Variants in ADGRF1 observed in about 807,000 individuals in gnomAD.
ADGRF1 encodes the protein G protein-coupled receptor 110.
ADGRF1 carries 85 observed loss-of-function variants against 87.2 expected under a neutral mutation model. That is an observed-to-expected ratio of 0.97 (90% CI 0.82 to 1.17). The LOEUF (loss-of-function observed/expected upper bound fraction) is 1.17. Ranked by LOEUF, ADGRF1 falls within the 50% of genes most tolerant of loss-of-function variation. The pLI is 0.00. For synonymous variants in ADGRF1, 430 were observed against 408.8 expected (o/e 1.05, Z -0.63); for missense variants, 1,169 against 1,077.2 (o/e 1.09, Z -1.19).
At position 47,022,804 on chromosome 6, in the gene ADGRF1, CTTTTTTT is replaced by C. The variant is rs11286179; in HGVS notation, c.452-753_452-747del. On this transcript the variant is annotated intron_variant, in intron 5 of 14. Transcript: ENST00000371253. Reference sequence around the variant, plus strand: ...CTTTCCTTTCTTTCTTTTCTTTTTTCTTTTTTTTTTTTTTTTTTTAGTCAGGGTCTCA... The same window carrying C: ...CTTTCCTTTCTTTCTTTTCTTTTTTCTTTTTTTTTTTTAGTCAGGGTCTCA... 7.5e-5 allele frequency among the ~76,000 whole-genome samples: 9 copies of C among 119,290 alleles called. No individual in the cohort carries two copies. The East Asian group carries it at 9.5e-4, about 13-fold the overall frequency. The allele number at this position is 119,290 out of a possible 152,430, so 78.3% of individuals were successfully genotyped here. A position where few individuals can be genotyped will look rare whatever the true frequency, so the allele number is the denominator to read the frequency against.
At chr6:47,021,451 C>T (rs565392345) in intron 6 of ADGRF1, among the ~76,000 whole-genome samples, 1 of 152,120 alleles carries the variant, frequency 6.6e-6, no homozygotes, top group African/African-American at 2.4e-5. Context: ...AACTCCACCT[C>T]CCGGGTTCAA....
At position 47,006,112 on chromosome 6, in the gene ADGRF1, C is replaced by T. The variant is rs1779519841; in HGVS notation, c.2533-236G>A. ...ATGCCATACTCATTCCAATTTTAGA[C>T]ATTAGTAGTTGGCAATAATTGCTAA... On this transcript the variant is annotated intron_variant, in intron 12 of 14. Coordinates refer to ENST00000371253, the MANE Select transcript of ADGRF1 (RefSeq NM_153840.4). Among the ~76,000 whole-genome samples the T allele has an allele frequency of 3.3e-5, 5 of 152,204 alleles. No individual in the cohort carries two copies. In the South Asian group the frequency reaches 1.0e-3, roughly 32 times the overall value.
chr6:47,020,611 T>C (rs1337577730), intron 7 of ADGRF1, 120 bp downstream of exon 7: 2 of 1,544,002 alleles, frequency 1.3e-6, no homozygotes, highest in South Asian at 1.2e-5. Flanking sequence ...GTAAAAATCC[T>C]ACTATAAAGA....
chr6:47,015,240 T>A (rs1296449198), intron 8 of ADGRF1, among the ~76,000 whole-genome samples: 1 of 152,264 alleles, frequency 6.6e-6, no homozygotes, highest in African/African-American at 2.4e-5. Context: ...AGTAATGTTA[T>A]GGTTAAAAGA....
intron 7 of ADGRF1, chr6:47,020,180 T>G: frequency 8.6e-7 from 1 of 1,168,130 alleles, no homozygotes; most frequent in Non-Finnish European, 1.1e-6. Flanking sequence ...GACCCACAGT[T>G]TTGAGAATGC....
intron 7 of ADGRF1, chr6:47,019,120 C>G: frequency 4.0e-6 from 1 of 249,668 alleles, no homozygotes; most frequent in Non-Finnish European, 6.4e-6. Flanking sequence ...AGTTTATAGA[C>G]TTGTGCCTAC....
At chr6:47,041,498 T>C (rs1220417189) in intron 1 of ADGRF1, among the ~76,000 whole-genome samples, 1 of 152,162 alleles carries the variant, frequency 6.6e-6, no homozygotes, top group Admixed American at 6.5e-5. Context: ...GTACATTACA[T>C]AGGCTATCAG....
rs45598235 is a variant in ADGRF1, at chr6:47,010,047, C to T, written c.1388G>A (p.Arg463His). The change falls in exon 11 of 15, where the codon CGT (arginine) becomes CAT (histidine). Residue 463 changes from arginine (R) to histidine (H), a missense_variant. By Grantham distance (29) the Arg-to-His change is conservative. Transcript: ENST00000371253. ...GAATTGGTCTGACCCAATTAACACA[C>T]GGCCTCTGATGGGAATAGATGTATT... is the stretch of plus-strand genomic sequence containing the variant. Reference protein sequence around the residue: ...PQNTSIPIRGRVLIGSDQFQR... With the variant: ...PQNTSIPIRGHVLIGSDQFQR... 62,001 of 1,613,958 alleles carry T rather than the reference C, an allele frequency of 0.038. 1,385 individuals are homozygous for T. The highest frequency in any genetic ancestry group is 0.085 in the African/African-American group (6,353 of 74,972).
intron 9 of ADGRF1, 35 bp downstream of exon 9, chr6:47,014,646 G>C: frequency 6.3e-7 from 1 of 1,598,780 alleles, no homozygotes; most frequent in South Asian, 1.1e-5. Flanking sequence ...TGAAACTCAA[G>C]ACCAGGGCAA....
chr6:47,033,949 G>A (rs550161530), intron 1 of ADGRF1, among the ~76,000 whole-genome samples: 2 of 152,258 alleles, frequency 1.3e-5, no homozygotes, highest in South Asian at 2.1e-4. Flanking sequence ...TCCTCTGGAA[G>A]GACAGTAATT....
At chr6:47,000,702 G>A (rs999225565) in intron 14 of ADGRF1, among the ~76,000 whole-genome samples, 4 of 152,128 alleles carry the variant, frequency 2.6e-5, no homozygotes, top group African/African-American at 4.8e-5. Context: ...CCAAGGGTCC[G>A]GGACAAGCAC....
chr6:47,001,682 T>C (rs919679804), intron 13 of ADGRF1, 115 bp from the exon 14 acceptor site: 1 of 765,458 alleles, frequency 1.3e-6, no homozygotes. Context: ...TCATAGGTGC[T>C]ATTCTCTTTT....
chr6:47,030,574 A>ATGTGTG (rs1491348365), intron 1 of ADGRF1, among the ~76,000 whole-genome samples: 15 of 99,330 alleles, frequency 1.5e-4, no homozygotes, highest in South Asian at 4.1e-4. Context: ...GATAACATGA[A>ATGTGTG]TATGTGTGTG....
intron 10 of ADGRF1, among the ~76,000 whole-genome samples, chr6:47,010,695 C>T (rs1226985222): frequency 6.6e-6 from 1 of 152,210 alleles, no homozygotes; most frequent in African/African-American, 2.4e-5. Context: ...GATGCAGACA[C>T]TACTTTGTAC....
intron 10 of ADGRF1, among the ~76,000 whole-genome samples, chr6:47,011,768 C>T (rs1415754591): frequency 6.6e-6 from 1 of 152,110 alleles, no homozygotes; most frequent in Non-Finnish European, 1.5e-5. Flanking sequence ...AAAAGCTTAC[C>T]CCCTCCTCTA....
At position 47,009,907 on chromosome 6, in the gene ADGRF1, T is replaced by C; in HGVS notation, c.1528A>G (p.Ile510Val). 1 of 1,614,176 alleles carries C rather than the reference T, an allele frequency of 6.2e-7. No homozygotes were observed. The highest frequency in any genetic ancestry group is 8.5e-7 in the Non-Finnish European group (1 of 1,179,996). Reference protein sequence around the residue: ...QVNGPVISTVIQNYSINEVFL... With the variant: ...QVNGPVISTVVQNYSINEVFL... ...ACTTCATTTATGGAATAGTTTTGAA[T>C]AACCGTGGATATCACAGGTCCATTG... Residue 510 changes from isoleucine (I) to valine (V), a missense_variant, in exon 11 of 15, where the codon ATT becomes GTT. Coordinates refer to ENST00000371253, the MANE Select transcript of ADGRF1 (RefSeq NM_153840.4).
chr6:47,031,514 C>A (rs939884433), intron 1 of ADGRF1, among the ~76,000 whole-genome samples: 7 of 152,116 alleles, frequency 4.6e-5, no homozygotes, highest in African/African-American at 1.7e-4. Flanking sequence ...TTTATTCCCT[C>A]TTCTCCCACC....
At chr6:47,029,229 C>T in intron 1 of ADGRF1, 125 bp from the exon 2 acceptor site, 1 of 605,348 alleles carries the variant, frequency 1.7e-6, no homozygotes, top group Non-Finnish European at 3.0e-6. Context: ...TTTATGTTTC[C>T]ACTCCACGGA....
At position 47,022,053 on chromosome 6, in the gene ADGRF1, A is replaced by G; in HGVS notation, c.457T>C (p.Trp153Arg). 6.5e-7 allele frequency: 1 copy of G among 1,542,288 alleles called. No homozygotes were observed. Among genetic ancestry groups the G allele is most frequent in the Non-Finnish European group, 8.8e-7 (1 of 1,136,600 alleles). ...SVNFCERTKI[W>R]GTFKINERFT... ...CTTTCATTAATTTTGAAAGTGCCCCAAATCTCTGTAGGAAATAAAAATAAG... is the reference window on the plus strand; with the variant it reads ...CTTTCATTAATTTTGAAAGTGCCCCGAATCTCTGTAGGAAATAAAAATAAG... The change falls in exon 6 of 15, where the codon TGG (tryptophan) becomes CGG (arginine). Residue 153 changes from tryptophan (W) to arginine (R), a missense_variant. Trp to Arg is a moderately radical substitution (Grantham distance 101, BLOSUM62 -3). Transcript: ENST00000371253.
Sources: gnomAD v4.1 joint callset for allele counts (sites outside exome capture counted in the v4.1 genomes callset) on GRCh38, gnomAD v4.1.1 for gene constraint, MANE v1.5 for transcripts, NCBI Gene and HGNC (gene_info 2026-07-23, HGNC 2026-07-21) for gene names.